Variants in PCDH11X observed in about 807,000 individuals in gnomAD.
The protein encoded by PCDH11X is protocadherin-11 X-linked.
In PCDH11X, 18 loss-of-function variants were observed where a neutral mutation model predicts 53.3. The ratio of observed to expected loss-of-function variants is 0.34; its 90% CI spans 0.23 to 0.50. The LOEUF is 0.50. Among genes scored for constraint, PCDH11X ranks in the 20% least tolerant of loss-of-function variants. PCDH11X has a pLI of 0.98. For missense variants in PCDH11X, 570 were observed against 1,032.4 expected, an observed-to-expected ratio of 0.55 and a Z score of 6.14; for synonymous variants, 279 against 393.3, an observed-to-expected ratio of 0.71 and a Z score of 3.44.
intron 5 of PCDH11X, among the ~76,000 whole-genome samples, chrX:91,838,517 C>T (rs1180026064): frequency 9.0e-6 from 1 of 111,328 alleles, no homozygotes; most frequent in African/African-American, 3.3e-5. Context: ...GCGACTTTAA[C>T]TGAATGCACT....
At chrX:92,209,005 A>G (rs769555005) in intron 7 of PCDH11X, among the ~76,000 whole-genome samples, 17 of 111,032 alleles carry the variant, frequency 1.5e-4, no homozygotes, top group Middle Eastern at 4.6e-3. Flanking sequence ...CTCACTCACT[A>G]TCATAAGAAC....
intron 6 of PCDH11X, among the ~76,000 whole-genome samples, chrX:92,096,581 A>G (rs2064140113): frequency 9.1e-6 from 1 of 110,334 alleles, no homozygotes; most frequent in Non-Finnish European, 1.9e-5. Flanking sequence ...ATAAAGAAAA[A>G]GAGGTTTAAT....
At chrX:92,045,556 A>T (rs139947793) in intron 6 of PCDH11X, among the ~76,000 whole-genome samples, 2,179 of 108,865 alleles carry the variant, frequency 0.02, 56 homozygotes, top group African/African-American at 0.068. Flanking sequence ...CAGAGTTGTT[A>T]CAAGGAAATT....
chrX:92,464,030 C>A (rs375346322), intron 9 of PCDH11X, among the ~76,000 whole-genome samples: 6 of 111,677 alleles, frequency 5.4e-5, no homozygotes, highest in African/African-American at 2.0e-4. Context: ...ATAATAAAGG[C>A]AACATTATGA....
At chrX:92,274,399 T>G (rs970640013) in intron 8 of PCDH11X, among the ~76,000 whole-genome samples, 1 of 110,892 alleles carries the variant, frequency 9.0e-6, no homozygotes, top group African/African-American at 3.3e-5. Context: ...AAGGCTGGTC[T>G]GTTATCAGAC....
intron 6 of PCDH11X, among the ~76,000 whole-genome samples, chrX:91,959,286 CT>C (rs993719800): frequency 9.2e-6 from 1 of 108,886 alleles, no homozygotes; most frequent in African/African-American, 3.3e-5. Flanking sequence ...AATAGTTATC[CT>C]TTTTTTTTCT....
chrX:92,319,604 C>T (rs1767781276), intron 8 of PCDH11X, among the ~76,000 whole-genome samples: 1 of 110,291 alleles, frequency 9.1e-6, no homozygotes, highest in Admixed American at 9.7e-5. Flanking sequence ...AAGTGATCCT[C>T]CGCTTTGGTC....
At chrX:92,073,900 A>G (rs1174846400) in intron 6 of PCDH11X, among the ~76,000 whole-genome samples, 1 of 112,293 alleles carries the variant, frequency 8.9e-6, no homozygotes, top group Non-Finnish European at 1.9e-5. Context: ...CAGCTAGGAT[A>G]AAAGCTGGCT....
chrX:92,497,040 C>G (rs1181006918), intron 10 of PCDH11X, among the ~76,000 whole-genome samples: 1 of 111,866 alleles, frequency 8.9e-6, no homozygotes, highest in Non-Finnish European at 1.9e-5. Context: ...AGATTTTATT[C>G]AGGAACTATT....
At chrX:92,529,195 G>A (rs1167145197) in intron 10 of PCDH11X, among the ~76,000 whole-genome samples, 1 of 111,883 alleles carries the variant, frequency 8.9e-6, no homozygotes, top group African/African-American at 3.2e-5. Context: ...AATCTGTGTT[G>A]ATGTAACAAG....
At chrX:91,867,116 G>C (rs937654149) in intron 5 of PCDH11X, among the ~76,000 whole-genome samples, 28 of 111,178 alleles carry the variant, frequency 2.5e-4, no homozygotes, top group African/African-American at 8.5e-4. Flanking sequence ...AATTAATTTT[G>C]GTGTAATTTC....
chrX:92,131,123 A>G (rs1222708863), intron 6 of PCDH11X, among the ~76,000 whole-genome samples: 1 of 111,632 alleles, frequency 9.0e-6, no homozygotes, highest in African/African-American at 3.2e-5. Context: ...ACTTGAATGT[A>G]CATTACTGAA....
In PCDH11X at chrX:92,623,025, T is replaced by G. The variant is rs1928626116; in HGVS notation, c.*4085T>G. The G allele has an allele frequency of 9.0e-6, 1 of 110,535 alleles. No homozygotes were observed. Among genetic ancestry groups the G allele is most frequent in the African/African-American group, 3.3e-5 (1 of 30,372 alleles). 9.1% of individuals were successfully genotyped at this position (110,535 alleles called of 1,213,427 possible). A position where few individuals can be genotyped will look rare whatever the true frequency, so the allele number is the denominator to read the frequency against. On this transcript the variant is annotated 3_prime_UTR_variant, in exon 11 of 11. Coordinates refer to ENST00000682573, the MANE Select transcript of PCDH11X (RefSeq NM_032968.5). ...TATGTTTGTATTGTGGGAAGATTCC[T>G]CCTCTGTGATATCATACAGCATCTG...
At chrX:91,968,864 T>C (rs1301189799) in intron 6 of PCDH11X, among the ~76,000 whole-genome samples, 1 of 111,783 alleles carries the variant, frequency 8.9e-6, no homozygotes, top group Admixed American at 9.5e-5. Flanking sequence ...GCAACATATA[T>C]GTATAACATG....
intron 6 of PCDH11X, among the ~76,000 whole-genome samples, chrX:91,970,180 C>T (rs111791975): frequency 0.027 from 2,982 of 110,718 alleles, 92 homozygotes; most frequent in African/African-American, 0.091. Flanking sequence ...TAAGGCAGTG[C>T]GGACCCAAAA....
At chrX:92,321,341 T>C (rs35555944) in intron 8 of PCDH11X, among the ~76,000 whole-genome samples, 12 of 108,467 alleles carry the variant, frequency 1.1e-4, no homozygotes, top group East Asian at 2.9e-4. Flanking sequence ...TACAGGCGCC[T>C]GCCACCATGC....
At chrX:92,221,866 TG>T (rs1401415384) in intron 7 of PCDH11X, among the ~76,000 whole-genome samples, 4 of 110,767 alleles carry the variant, frequency 3.6e-5, no homozygotes, top group African/African-American at 1.3e-4. Flanking sequence ...GACAGGGTTT[TG>T]CTCTTGTTGC....
At chrX:91,787,360 C>G (rs1295148388) in intron 1 of PCDH11X, among the ~76,000 whole-genome samples, 4 of 111,039 alleles carry the variant, frequency 3.6e-5, no homozygotes, top group African/African-American at 1.3e-4. Flanking sequence ...ATCATATCAA[C>G]CGAAAGGATA....
At chrX:92,412,125 G>A (rs2071688733) in intron 9 of PCDH11X, among the ~76,000 whole-genome samples, 1 of 91,300 alleles carries the variant, frequency 1.1e-5, no homozygotes, top group East Asian at 3.5e-4. Context: ...AGCAGCACAA[G>A]CAACAGCAGC....
Sources: allele counts gnomAD v4.1 joint callset (sites outside exome capture counted in the v4.1 genomes callset), GRCh38; gene constraint gnomAD v4.1.1; transcripts MANE v1.5; gene names NCBI Gene and HGNC (gene_info 2026-07-23, HGNC 2026-07-21).